TMEM132D: variants seen among roughly 807,000 people sequenced by gnomAD.
TMEM132D encodes the protein mature OL transmembrane protein.
A neutral mutation model predicts 62.3 loss-of-function variants in TMEM132D; 21 were observed. The observed-to-expected ratio is 0.34, with a 90% CI of 0.24 to 0.49. The LOEUF (loss-of-function observed/expected upper bound fraction) is 0.49. Among genes scored for constraint, TMEM132D ranks in the 20% least tolerant of loss-of-function variants. The probability of loss-of-function intolerance (pLI) is 0.99; values close to 1 mark genes in which losing one functional copy is unlikely to be tolerated. For synonymous variants in TMEM132D, 621 were observed against 575.6 expected (o/e 1.08, Z -1.13); for missense variants, 1,346 against 1,402.8 (o/e 0.96, Z 0.65).
At chr12:129,628,080 T>C (rs1442209794) in intron 2 of TMEM132D, among the ~76,000 whole-genome samples, 1 of 152,248 alleles carries the variant, frequency 6.6e-6, no homozygotes, top group Non-Finnish European at 1.5e-5. Context: ...AATTGTAATT[T>C]TGGATTATTA....
chr12:129,158,562 A>T (rs1341663897), intron 5 of TMEM132D, among the ~76,000 whole-genome samples: 1 of 152,202 alleles, frequency 6.6e-6, no homozygotes, highest in Non-Finnish European at 1.5e-5. Context: ...GAATCTATGC[A>T]AACGTACAAA....
intron 5 of TMEM132D, among the ~76,000 whole-genome samples, chr12:129,102,735 T>G (rs1278938432): frequency 6.6e-6 from 1 of 152,220 alleles, no homozygotes; most frequent in East Asian, 1.9e-4. Context: ...GCTGAAGATC[T>G]TTTTCTTTTC....
intron 1 of TMEM132D, among the ~76,000 whole-genome samples, chr12:129,896,660 T>A (rs1471532596): frequency 6.6e-6 from 1 of 152,190 alleles, no homozygotes; most frequent in Non-Finnish European, 1.5e-5. Context: ...TCACTAAAAG[T>A]TAAACACTTT....
chr12:129,903,562 G>A lies in TMEM132D; in HGVS notation c.-223C>T. 1 of 568,236 alleles carries A rather than the reference G, an allele frequency of 1.8e-6. No individual in the cohort carries two copies. Among genetic ancestry groups the A allele is most frequent in the Non-Finnish European group, 3.1e-6 (1 of 319,238 alleles). The allele number at this position is 568,236 out of a possible 1,614,324, so 35.2% of individuals were successfully genotyped here. On this transcript the variant is annotated 5_prime_UTR_variant, in exon 1 of 9. Transcript: ENST00000422113. The surrounding 1 kb of genome is among the most constrained non-coding windows in gnomAD (Gnocchi z 6.2). ...TGAGTTGCTCTCCGGAGTCCAACAC[G>A]CGCGCAGGCAAACCCCACCTCCCTC... is the stretch of plus-strand genomic sequence containing the variant.
intron 1 of TMEM132D, among the ~76,000 whole-genome samples, chr12:129,762,319 C>T (rs1870406734): frequency 6.6e-6 from 1 of 152,014 alleles, no homozygotes; most frequent in Non-Finnish European, 1.5e-5. Flanking sequence ...TGAGCTGCCA[C>T]TCTCTGCTTG....
chr12:129,293,202 C>A (rs1566023928), intron 4 of TMEM132D, among the ~76,000 whole-genome samples: 1 of 152,072 alleles, frequency 6.6e-6, no homozygotes, highest in Non-Finnish European at 1.5e-5. Context: ...GCAGAAGTAG[C>A]CCCAAGAGCC....
chr12:129,859,435 T>C (rs1248378082), intron 1 of TMEM132D, among the ~76,000 whole-genome samples: 1 of 152,250 alleles, frequency 6.6e-6, no homozygotes, highest in African/African-American at 2.4e-5. Flanking sequence ...GCCAATATTT[T>C]AAAATTACAA....
intron 5 of TMEM132D, among the ~76,000 whole-genome samples, chr12:129,158,247 C>T (rs1011055413): frequency 3.9e-5 from 6 of 152,152 alleles, no homozygotes; most frequent in Non-Finnish European, 8.8e-5. Flanking sequence ...GTACATTAGA[C>T]CTAATGGCTG....
chr12:129,363,948 G>A (rs958938124), intron 3 of TMEM132D, among the ~76,000 whole-genome samples: 2 of 152,238 alleles, frequency 1.3e-5, no homozygotes, highest in Non-Finnish European at 2.9e-5. Context: ...CATACAACCA[G>A]TTAGGCATGT....
At chr12:129,129,120 T>G (rs1271335753) in intron 5 of TMEM132D, among the ~76,000 whole-genome samples, 1 of 152,120 alleles carries the variant, frequency 6.6e-6, no homozygotes, top group African/African-American at 2.4e-5. Flanking sequence ...AAAGTTAGTT[T>G]TTCAACCTTT....
chr12:129,080,652 G>C (rs2135613968), intron 7 of TMEM132D, among the ~76,000 whole-genome samples: 1 of 152,184 alleles, frequency 6.6e-6, no homozygotes. Context: ...CTGCAGATGG[G>C]GCAGCTGCTG....
chr12:129,627,435 T>G (rs2137164387), intron 2 of TMEM132D, among the ~76,000 whole-genome samples: 1 of 152,288 alleles, frequency 6.6e-6, no homozygotes, highest in Middle Eastern at 3.4e-3. Context: ...ACAGCTAGGC[T>G]TGTGTAAGTA....
chr12:129,247,019 A>G (rs1482974490), intron 4 of TMEM132D, among the ~76,000 whole-genome samples: 1 of 152,240 alleles, frequency 6.6e-6, no homozygotes, highest in East Asian at 1.9e-4. Context: ...AAACTGTACC[A>G]GCTATAATAC....
At chr12:129,492,387 T>C (rs1427143677) in intron 3 of TMEM132D, among the ~76,000 whole-genome samples, 1 of 152,194 alleles carries the variant, frequency 6.6e-6, no homozygotes, top group Non-Finnish European at 1.5e-5. Flanking sequence ...AAGAAATTTG[T>C]CTATAAAGTG....
At chr12:129,702,686 T>A (rs1457441655) in intron 1 of TMEM132D, among the ~76,000 whole-genome samples, 2 of 152,206 alleles carry the variant, frequency 1.3e-5, no homozygotes, top group African/African-American at 4.8e-5. Context: ...CTCTATGCAC[T>A]CCAGTGTGTG....
At chr12:129,424,566 G>A (rs543105090) in intron 3 of TMEM132D, among the ~76,000 whole-genome samples, 1 of 151,820 alleles carries the variant, frequency 6.6e-6, no homozygotes, top group African/African-American at 2.4e-5. Context: ...AAATTAGCCG[G>A]GCGTGGTGGT....
chr12:129,823,156 A>G (rs1872580360), intron 1 of TMEM132D, among the ~76,000 whole-genome samples: 2 of 152,264 alleles, frequency 1.3e-5, no homozygotes, highest in South Asian at 2.1e-4. Context: ...TCCTTCTACC[A>G]TGATTGGAAG....
chr12:129,154,670 C>G (rs943164827), intron 5 of TMEM132D, among the ~76,000 whole-genome samples: 1 of 152,176 alleles, frequency 6.6e-6, no homozygotes, highest in African/African-American at 2.4e-5. Context: ...GGTTCAGTAA[C>G]AGATGGTTGG....
chr12:129,274,258 ATGTG>A (rs1880941918), intron 4 of TMEM132D, among the ~76,000 whole-genome samples: 1 of 152,056 alleles, frequency 6.6e-6, no homozygotes, highest in African/African-American at 2.4e-5. Context: ...GGCCAGAACA[ATGTG>A]TGCTCTGATG....
Sources: gnomAD v4.1 joint callset for allele counts (sites outside exome capture counted in the v4.1 genomes callset) on GRCh38, gnomAD v4.1.1 for gene constraint, Gnocchi (gnomAD v3.1) non-coding constraint, MANE v1.5 for transcripts, NCBI Gene and HGNC (gene_info 2026-07-23, HGNC 2026-07-21) for gene names.